HTT: variants seen among roughly 807,000 people sequenced by gnomAD.
HTT encodes the protein huntington disease protein.
In HTT, 104 loss-of-function variants were observed where a neutral mutation model predicts 362.3. That is an observed-to-expected ratio of 0.29 (90% confidence interval 0.24 to 0.34). The LOEUF (loss-of-function observed/expected upper bound fraction) is 0.34, where lower values mean the gene tolerates loss of function less well. Ranked by LOEUF, HTT falls within the 10% of genes least tolerant of loss-of-function variation. The pLI is 1.00. For synonymous variants in HTT, 1,577 were observed against 1,548.7 expected (o/e 1.02, Z -0.43); for missense variants, 3,301 against 3,928.6 (o/e 0.84, Z 4.27).
chr4:3,163,589 C>A (rs531205345), intron 29 of HTT, among the ~76,000 whole-genome samples: 31 of 152,304 alleles, frequency 2.0e-4, no homozygotes, highest in African/African-American at 6.3e-4. Context: ...ACTATTGCCT[C>A]AAGTTTAGAA....
At chr4:3,116,341 C>T (rs1378151044) in intron 8 of HTT, 78 bp downstream of exon 8, 14 of 1,278,560 alleles carry the variant, frequency 1.1e-5, no homozygotes, top group South Asian at 5.3e-5. Context: ...GGAAGAGAAG[C>T]GGCAGAACCG....
chr4:3,229,162 C>T (rs1056313445), intron 59 of HTT, among the ~76,000 whole-genome samples, 153 bp downstream of exon 59: 6 of 151,058 alleles, frequency 4.0e-5, no homozygotes, highest in African/African-American at 1.5e-4. Flanking sequence ...GCACCATAGA[C>T]ACCACACACA....
chr4:3,132,853 G>C lies in HTT; in HGVS notation c.2435G>C (p.Arg812Pro). 6.2e-7 allele frequency: 1 copy of C among 1,614,134 alleles called. No homozygotes were observed. The highest frequency in any genetic ancestry group is 8.5e-7 in the Non-Finnish European group (1 of 1,179,986). The change falls in exon 18 of 67, where the codon CGG becomes CCG. Residue 812 changes from arginine to proline, a missense_variant. By Grantham distance (103) the Arg-to-Pro change is moderately radical. This residue lies in a region of HTT where 2,316 missense variants were observed against 2,658.5 expected (regional missense o/e 0.87). Transcript: ENST00000355072. ...FSLADCIPLLRKTLKDESSVT... is the reference protein window; with the variant it reads ...FSLADCIPLLPKTLKDESSVT... ...TTGGCGGATTGCATTCCTTTGCTGC[G>C]GAAAACACTGAAGGATGAGTCTTCT...
intron 6 of HTT, among the ~76,000 whole-genome samples, chr4:3,113,993 G>T (rs1714896590): frequency 6.6e-6 from 1 of 152,114 alleles, no homozygotes; most frequent in South Asian, 2.1e-4. Context: ...GAAATCAGGG[G>T]TCTCACAGCC....
intron 2 of HTT, among the ~76,000 whole-genome samples, chr4:3,093,121 A>G (rs1713605298): frequency 6.6e-6 from 1 of 152,196 alleles, no homozygotes; most frequent in Non-Finnish European, 1.5e-5. Context: ...GTACCCTGTC[A>G]TGTGTGTAGC....
chr4:3,118,090 G>T (rs1333284213), intron 8 of HTT, among the ~76,000 whole-genome samples: 1 of 151,962 alleles, frequency 6.6e-6, no homozygotes, highest in African/African-American at 2.4e-5. Flanking sequence ...GTTTTCCTGT[G>T]GTCTGATATA....
intron 6 of HTT, 78 bp from the exon 7 acceptor site, chr4:3,115,226 C>T (rs1714957361): frequency 7.2e-7 from 1 of 1,388,496 alleles, no homozygotes; most frequent in Non-Finnish European, 1.0e-6. Flanking sequence ...ACTTCTAATT[C>T]ACGTTAAGTT....
intron 1 of HTT, among the ~76,000 whole-genome samples, chr4:3,082,912 G>A (rs1035864745): frequency 3.3e-5 from 5 of 152,138 alleles, no homozygotes; most frequent in African/African-American, 1.2e-4. Flanking sequence ...CCACTATGGA[G>A]AAAAACAACC....
chr4:3,239,885 G>A lies in HTT; in HGVS notation c.9255G>A (p.Gln3085=), dbSNP rs1721725046. Residue 3085 remains glutamine, a synonymous_variant, in exon 67 of 67, where the codon CAG becomes CAA. Coordinates refer to ENST00000355072, the MANE Select transcript of HTT (RefSeq NM_001388492.1). ...HVISRMGKLE[Q]VDVNLFCLVA... ...TCAGCAGGATGGGCAAGCTGGAGCA[G>A]GTGGACGTGAACCTTTTCTGCCTGG... 1 of 1,568,414 alleles carries A rather than the reference G, an allele frequency of 6.4e-7. No homozygotes were observed.
chr4:3,192,509 G>C (rs1042779970), intron 40 of HTT, among the ~76,000 whole-genome samples: 15 of 152,152 alleles, frequency 9.9e-5, no homozygotes, highest in Non-Finnish European at 1.5e-5. Flanking sequence ...AGTAATATGG[G>C]TGACCATAAA....
intron 21 of HTT, among the ~76,000 whole-genome samples, chr4:3,137,581 C>G (rs1035968725): frequency 6.6e-6 from 1 of 152,088 alleles, no homozygotes; most frequent in South Asian, 2.1e-4. Context: ...CGCCTGTAAT[C>G]CCAGCTACTC....
At chr4:3,112,070 T>C (rs2110168374) in intron 6 of HTT, among the ~76,000 whole-genome samples, 1 of 152,340 alleles carries the variant, frequency 6.6e-6, no homozygotes, top group Non-Finnish European at 1.5e-5. Context: ...ACACCCGTAG[T>C]CTGCTAATGT....
intron 6 of HTT, among the ~76,000 whole-genome samples, chr4:3,112,239 C>T (rs760126696): frequency 6.6e-6 from 1 of 152,146 alleles, no homozygotes; most frequent in Non-Finnish European, 1.5e-5. Context: ...TCAAAATTAC[C>T]TGCCAAACAC....
intron 41 of HTT, among the ~76,000 whole-genome samples, chr4:3,203,382 C>A (rs1719681590): frequency 6.6e-6 from 1 of 152,146 alleles, no homozygotes; most frequent in Admixed American, 6.5e-5. Flanking sequence ...GTCAGAGGGG[C>A]AGTTTGGGAG....
intron 12 of HTT, chr4:3,129,689 T>A (rs948986641): frequency 2.4e-5 from 9 of 379,940 alleles, no homozygotes; most frequent in African/African-American, 1.9e-4. Flanking sequence ...ACATTGGAAT[T>A]TTTTTGGAGT....
intron 2 of HTT, among the ~76,000 whole-genome samples, chr4:3,091,993 C>G (rs1452634978): frequency 1.3e-5 from 2 of 152,126 alleles, no homozygotes; most frequent in East Asian, 3.8e-4. Context: ...TGGCCTACCA[C>G]TAAAAGGGGA....
chr4:3,081,280 T>C (rs1712883711), intron 1 of HTT, among the ~76,000 whole-genome samples: 1 of 152,220 alleles, frequency 6.6e-6, no homozygotes, highest in South Asian at 2.1e-4. Flanking sequence ...ACAGTGTCTC[T>C]GTCACAGCTA....
At chr4:3,165,039 T>C (rs1472604238) in intron 29 of HTT, among the ~76,000 whole-genome samples, 1 of 152,236 alleles carries the variant, frequency 6.6e-6, no homozygotes, top group Non-Finnish European at 1.5e-5. Context: ...CAATTTGGCA[T>C]GTTTTTGCAG....
chr4:3,115,351 C>G lies in HTT; in HGVS notation c.795C>G (p.Thr265=), dbSNP rs1714964560. 3.7e-6 allele frequency: 6 copies of G among 1,614,014 alleles called. No homozygotes were observed. The highest frequency in any genetic ancestry group is 4.2e-6 in the Non-Finnish European group (5 of 1,179,980). Residue 265 remains threonine, a synonymous_variant, in exon 7 of 67, where the codon ACC becomes ACG. Coordinates refer to ENST00000355072, the MANE Select transcript of HTT (RefSeq NM_001388492.1). ...CGAACCTGAAGTCAAGCTCCCCCAC[C>G]ATTCGGCGGACAGCGGCTGGATCAG... ...FIANLKSSSP[T]IRRTAAGSAV...
Sources: allele counts gnomAD v4.1 joint callset (sites outside exome capture counted in the v4.1 genomes callset), GRCh38; gene constraint gnomAD v4.1.1; regional missense constraint gnomAD v4.1.1; transcripts MANE v1.5; gene names NCBI Gene and HGNC (gene_info 2026-07-23, HGNC 2026-07-21).